IQSEC1: variants seen among roughly 807,000 people sequenced by gnomAD.
The protein encoded by IQSEC1 is IQ motif and SEC7 domain-containing protein 1.
IQSEC1 carries 31 observed loss-of-function variants against 91.0 expected under a neutral mutation model. The ratio of observed to expected loss-of-function variants is 0.34; its 90% CI spans 0.26 to 0.46. The LOEUF (loss-of-function observed/expected upper bound fraction) is 0.46. Ranked by LOEUF, IQSEC1 falls within the 20% of genes least tolerant of loss-of-function variation. IQSEC1 has a pLI of 1.00. For synonymous variants in IQSEC1, 699 were observed against 662.6 expected, an observed-to-expected ratio of 1.05 and a Z score of -0.84; for missense variants, 1,388 against 1,575.6, an observed-to-expected ratio of 0.88 and a Z score of 2.02.
At chr3:13,258,893 C>T (rs1206413986) in intron 1 of IQSEC1, among the ~76,000 whole-genome samples, 1 of 152,150 alleles carries the variant, frequency 6.6e-6, no homozygotes, top group Non-Finnish European at 1.5e-5. Context: ...CACAGCATCA[C>T]CCACTCCATC....
At position 13,259,475 on chromosome 3, in the gene IQSEC1, C is replaced by T. The variant is rs1014616189; in HGVS notation, c.272+23236G>A. On this transcript the variant is annotated intron_variant, in intron 1 of 15. Coordinates refer to the IQSEC1 transcript ENST00000648114. This position sits in a 1 kb window ranked among gnomAD's most constrained non-coding sequence, Gnocchi z 4.6. ...GCGGGTGAGATAGCACTGTCATCGC[C>T]GGCCACGTCCTCATTTCCAGAAGCC... 3.9e-5 allele frequency among the ~76,000 whole-genome samples: 6 copies of T among 152,134 alleles called. No homozygotes were observed. Among genetic ancestry groups the T allele is most frequent in the African/African-American group, 9.7e-5 (4 of 41,434 alleles).
chr3:13,053,452 CG>C (rs2125068929), intron 1 of IQSEC1, among the ~76,000 whole-genome samples: 1 of 152,312 alleles, frequency 6.6e-6, no homozygotes, highest in East Asian at 1.9e-4. Context: ...GGCCTCAGGG[CG>C]GGGTCTAGGT....
At chr3:13,170,967 G>A (rs1287873227) in intron 1 of IQSEC1, among the ~76,000 whole-genome samples, 4 of 152,164 alleles carry the variant, frequency 2.6e-5, no homozygotes, top group Admixed American at 2.6e-4. Context: ...GGGCATGATG[G>A]TGAGTGCCTG....
chr3:13,242,515 T>G (rs60480553), intron 1 of IQSEC1, among the ~76,000 whole-genome samples: 11,567 of 152,268 alleles, frequency 0.076, 526 homozygotes, highest in African/African-American at 0.12. Context: ...GCGGCACCCA[T>G]GCAGGCCTTC....
chr3:13,161,405 G>C (rs1297021685), intron 2 of IQSEC1, among the ~76,000 whole-genome samples: 1 of 152,170 alleles, frequency 6.6e-6, no homozygotes, highest in Non-Finnish European at 1.5e-5. Context: ...AGGATCCCAG[G>C]TTTGGGGACG....
At chr3:13,175,747 G>C (rs1433510084) in intron 1 of IQSEC1, among the ~76,000 whole-genome samples, 1 of 152,258 alleles carries the variant, frequency 6.6e-6, no homozygotes, top group Non-Finnish European at 1.5e-5. Flanking sequence ...GATCTGGCGA[G>C]GGCCACTTGT....
At chr3:12,993,514 G>T (rs1012847702) in intron 1 of IQSEC1, among the ~76,000 whole-genome samples, 2 of 151,880 alleles carry the variant, frequency 1.3e-5, no homozygotes, top group Non-Finnish European at 2.9e-5. Flanking sequence ...GAGTCGGGGG[G>T]TGGGGAATGC....
chr3:13,013,679 G>A (rs150869815), intron 1 of IQSEC1, among the ~76,000 whole-genome samples: 50 of 152,226 alleles, frequency 3.3e-4, no homozygotes, highest in Middle Eastern at 3.4e-3. Flanking sequence ...CATGCATTGC[G>A]TTAGTCATAT....
At chr3:13,010,124 G>A (rs576982184) in intron 1 of IQSEC1, among the ~76,000 whole-genome samples, 2 of 152,210 alleles carry the variant, frequency 1.3e-5, no homozygotes, top group Admixed American at 6.5e-5. Flanking sequence ...ATGATGCATA[G>A]CAGAACACAT....
chr3:13,279,987 G>C (rs1257992998), intron 1 of IQSEC1, among the ~76,000 whole-genome samples: 2 of 152,190 alleles, frequency 1.3e-5, no homozygotes, highest in Non-Finnish European at 1.5e-5. Flanking sequence ...ATGACAAACA[G>C]GTGGACAATG....
chr3:12,915,170 T>C (rs1695958898), intron 7 of IQSEC1, 37 bp from the exon 8 acceptor site: 1 of 1,598,866 alleles, frequency 6.3e-7, no homozygotes, highest in Non-Finnish European at 8.5e-7. Context: ...AGGGTGTTCA[T>C]GTTTCAAAGC....
At chr3:12,962,145 G>A (rs1442690957) in intron 1 of IQSEC1, among the ~76,000 whole-genome samples, 1 of 152,206 alleles carries the variant, frequency 6.6e-6, no homozygotes, top group Non-Finnish European at 1.5e-5. Context: ...GGCCAGTTCT[G>A]GACAGGCCTT....
chr3:13,279,445 G>A (rs1695749228), intron 1 of IQSEC1, among the ~76,000 whole-genome samples: 1 of 152,114 alleles, frequency 6.6e-6, no homozygotes, highest in African/African-American at 2.4e-5. Flanking sequence ...TTTTTCAGGG[G>A]GTGTCAAGGC....
intron 1 of IQSEC1, among the ~76,000 whole-genome samples, chr3:13,035,729 T>C (rs1445976952): frequency 6.6e-6 from 1 of 152,098 alleles, no homozygotes; most frequent in Non-Finnish European, 1.5e-5. Context: ...AGGGGTAGAG[T>C]TTAAGTCCTT....
chr3:13,022,832 G>A (rs1453693602), intron 1 of IQSEC1, among the ~76,000 whole-genome samples: 4 of 152,200 alleles, frequency 2.6e-5, no homozygotes, highest in Non-Finnish European at 5.9e-5. Flanking sequence ...GCCCTCCAAG[G>A]GTCTCCAGCT....
intron 1 of IQSEC1, among the ~76,000 whole-genome samples, chr3:13,253,074 T>A (rs1695225725): frequency 6.6e-6 from 1 of 152,212 alleles, no homozygotes; most frequent in Non-Finnish European, 1.5e-5. Flanking sequence ...CTGGTGGGTG[T>A]GAGGTTGCTT....
rs575844085 is a variant in IQSEC1 at position 13,135,971 on chromosome 3, G to A, written c.302+28133C>T. On this transcript the variant is annotated intron_variant, in intron 2 of 15. Coordinates refer to the IQSEC1 transcript ENST00000648114. ...AGGACTCCCAGTTAGACCCTCGTGC[G>A]GGACTCTGCTGCGTGGGACAGTGAG... 5.9e-5 allele frequency among the ~76,000 whole-genome samples: 9 copies of A among 152,310 alleles called. No individual in the cohort carries two copies. In the South Asian group the frequency reaches 1.2e-3, roughly 21 times the overall value.
At chr3:13,024,784 C>T (rs1703550425) in intron 1 of IQSEC1, among the ~76,000 whole-genome samples, 1 of 152,222 alleles carries the variant, frequency 6.6e-6, no homozygotes, top group South Asian at 2.1e-4. Context: ...GGACATGTCA[C>T]ACTCTATCTG....
chr3:13,070,811 C>T (rs145595226), intron 1 of IQSEC1, among the ~76,000 whole-genome samples: 6 of 152,334 alleles, frequency 3.9e-5, no homozygotes, highest in African/African-American at 1.2e-4. Flanking sequence ...TAAGCCCCCT[C>T]GGGCCAGCCC....
Sources: gnomAD v4.1 joint callset for allele counts (sites outside exome capture counted in the v4.1 genomes callset) on GRCh38, gnomAD v4.1.1 for gene constraint, Gnocchi (gnomAD v3.1) non-coding constraint, MANE v1.5 for transcripts, NCBI Gene and HGNC (gene_info 2026-07-23, HGNC 2026-07-21) for gene names.